The following DIAPH3 variants were observed in gnomAD, a reference collection of about 807,000 sequenced individuals.
DIAPH3 encodes the protein protein diaphanous homolog 3.
A neutral mutation model predicts 144.3 loss-of-function variants in DIAPH3; 117 were observed. The observed-to-expected ratio is 0.81, with a 90% CI of 0.70 to 0.95. DIAPH3 has a LOEUF of 0.95. Ranked by LOEUF, DIAPH3 falls within the 40% of genes least tolerant of loss-of-function variation. DIAPH3 has a pLI of 0.00. For synonymous variants in DIAPH3, 519 were observed against 488.9 expected (o/e 1.06, Z -0.81); for missense variants, 1,421 against 1,412.7 (o/e 1.01, Z -0.09).
At chr13:60,050,510 TG>T (rs1402461658) in intron 4 of DIAPH3, among the ~76,000 whole-genome samples, 1 of 152,092 alleles carries the variant, frequency 6.6e-6, no homozygotes, top group Admixed American at 6.6e-5. Context: ...CATTTTCAAA[TG>T]CTTGTTAAAA....
intron 22 of DIAPH3, among the ~76,000 whole-genome samples, chr13:59,840,385 G>T (rs1471377482): frequency 1.3e-5 from 2 of 151,888 alleles, no homozygotes; most frequent in Non-Finnish European, 2.9e-5. Context: ...CTGAAGAATG[G>T]GTGCAATTCA....
intron 21 of DIAPH3, among the ~76,000 whole-genome samples, chr13:59,872,783 A>G (rs1324334568): frequency 6.6e-6 from 1 of 152,232 alleles, no homozygotes; most frequent in Non-Finnish European, 1.5e-5. Context: ...GTAGTTGTCT[A>G]TAAGCCTGAC....
intron 27 of DIAPH3, among the ~76,000 whole-genome samples, chr13:59,704,224 A>G (rs1055421211): frequency 6.6e-6 from 1 of 152,202 alleles, no homozygotes; most frequent in Non-Finnish European, 1.5e-5. Flanking sequence ...GTCTGGCCCC[A>G]CACAACTGCC....
intron 9 of DIAPH3, among the ~76,000 whole-genome samples, chr13:59,999,570 G>A (rs1052516610): frequency 2.0e-5 from 3 of 152,116 alleles, no homozygotes; most frequent in Non-Finnish European, 2.9e-5. Flanking sequence ...CACAGCATTT[G>A]AATTGAAGTC....
chr13:59,972,471 T>C (rs1481600270), intron 15 of DIAPH3, among the ~76,000 whole-genome samples: 1 of 152,182 alleles, frequency 6.6e-6, no homozygotes, highest in Non-Finnish European at 1.5e-5. Flanking sequence ...TACATAATTT[T>C]GAATTTTCAT....
intron 13 of DIAPH3, among the ~76,000 whole-genome samples, chr13:59,981,505 G>T (rs1368568150): frequency 2.8e-5 from 4 of 140,534 alleles, no homozygotes; most frequent in Admixed American, 7.2e-5. Flanking sequence ...ATTTTTTGAT[G>T]TTAGACAAAA....
intron 17 of DIAPH3, among the ~76,000 whole-genome samples, chr13:59,929,085 C>T (rs976496259): frequency 6.6e-6 from 1 of 152,090 alleles, no homozygotes; most frequent in African/African-American, 2.4e-5. Flanking sequence ...CAAGATGACA[C>T]TCAAAGGTTA....
intron 25 of DIAPH3, among the ~76,000 whole-genome samples, chr13:59,797,152 G>A (rs1296522803): frequency 6.6e-6 from 1 of 151,894 alleles, no homozygotes; most frequent in Non-Finnish European, 1.5e-5. Flanking sequence ...TATGTAAAAT[G>A]TCACTCCTTC....
intron 27 of DIAPH3, among the ~76,000 whole-genome samples, chr13:59,690,136 T>C (rs2033428035): frequency 6.6e-6 from 1 of 152,130 alleles, no homozygotes; most frequent in Middle Eastern, 3.2e-3. Flanking sequence ...ACATCAACTC[T>C]GCTCCTTTAT....
At chr13:60,008,469 T>C in intron 9 of DIAPH3, 75 bp downstream of exon 9, 2 of 922,668 alleles carry the variant, frequency 2.2e-6, no homozygotes, top group Admixed American at 2.0e-5. Context: ...AATGTTTTCA[T>C]ATAAACCAAT....
At chr13:59,914,872 A>C (rs2047154595) in intron 19 of DIAPH3, among the ~76,000 whole-genome samples, 1 of 152,184 alleles carries the variant, frequency 6.6e-6, no homozygotes, top group East Asian at 1.9e-4. Flanking sequence ...GTAAGATAAT[A>C]AATTTGTATT....
At chr13:59,789,060 T>G (rs1286239146) in intron 25 of DIAPH3, among the ~76,000 whole-genome samples, 1 of 152,198 alleles carries the variant, frequency 6.6e-6, no homozygotes. Context: ...GCTACCACAG[T>G]CGACCTTGTG....
At chr13:60,145,566 C>T (rs1376751615) in intron 1 of DIAPH3, among the ~76,000 whole-genome samples, 4 of 152,180 alleles carry the variant, frequency 2.6e-5, no homozygotes, top group Non-Finnish European at 5.9e-5. Context: ...AGGAGAATGA[C>T]GTGAACTCAG....
chr13:60,019,497 T>A (rs1472783222), intron 5 of DIAPH3, among the ~76,000 whole-genome samples: 2 of 152,028 alleles, frequency 1.3e-5, no homozygotes, highest in African/African-American at 4.8e-5. Context: ...ATTAAACTCT[T>A]CTAATTGCTT....
chr13:59,775,495 G>T (rs1158989484), intron 25 of DIAPH3, among the ~76,000 whole-genome samples: 1 of 152,176 alleles, frequency 6.6e-6, no homozygotes, highest in Non-Finnish European at 1.5e-5. Flanking sequence ...GCCCGCCTCA[G>T]ACTACCAAAG....
At chr13:59,812,147 G>C (rs1232843281) in intron 24 of DIAPH3, among the ~76,000 whole-genome samples, 2 of 152,072 alleles carry the variant, frequency 1.3e-5, no homozygotes, top group African/African-American at 4.8e-5. Context: ...GTTAGTACAA[G>C]TTCTTCATTA....
chr13:60,138,375 A>G (rs1409244077), intron 1 of DIAPH3, among the ~76,000 whole-genome samples: 2 of 152,208 alleles, frequency 1.3e-5, no homozygotes, highest in Non-Finnish European at 2.9e-5. Context: ...CTCAGCCTGC[A>G]CACATATGAA....
At chr13:60,006,679 T>C (rs1014071236) in intron 9 of DIAPH3, among the ~76,000 whole-genome samples, 1 of 151,390 alleles carries the variant, frequency 6.6e-6, no homozygotes, top group African/African-American at 2.4e-5. Context: ...AGCTCAGAGA[T>C]GAGGTGGGAG....
chr13:59,916,219 T>G lies in DIAPH3; in HGVS notation c.2201A>C (p.Tyr734Ser), dbSNP rs749502845. 5 of 1,613,116 alleles carry G rather than the reference T, an allele frequency of 3.1e-6. No individual in the cohort carries two copies. The Admixed American group carries it at 6.7e-5, about 22-fold the overall frequency. The change falls in exon 19 of 28, where the codon TAT becomes TCT. Residue 734 changes from tyrosine to serine, a missense_variant. Transcript: ENST00000400324. ...CAATATCATCATTCTGATTTCCTCA[T>G]ATGGCACCCGAAAAGAGCTCAGGAA... ...SIFLSSFRVP[Y>S]EEIRMMILEV...
Sources: allele counts gnomAD v4.1 joint callset (sites outside exome capture counted in the v4.1 genomes callset), GRCh38; gene constraint gnomAD v4.1.1; transcripts MANE v1.5; gene names NCBI Gene and HGNC (gene_info 2026-07-23, HGNC 2026-07-21).